GABRP: variants seen among roughly 807,000 people sequenced by gnomAD.
GABRP encodes the protein gamma-aminobutyric acid type A receptor subunit pi.
GABRP carries 52 observed loss-of-function variants against 47.8 expected under a neutral mutation model. The observed-to-expected ratio is 1.09, with a 90% CI of 0.87 to 1.37. The LOEUF (loss-of-function observed/expected upper bound fraction) is 1.37, where lower values mean the gene tolerates loss of function less well. Ranked by LOEUF, GABRP falls within the 40% of genes most tolerant of loss-of-function variation. GABRP has a pLI of 0.00. For synonymous variants in GABRP, 221 were observed against 205.8 expected (o/e 1.07, Z -0.63); for missense variants, 525 against 542.8 (o/e 0.97, Z 0.33).
chr5:170,785,123 G>A (rs11134652), intron 1 of GABRP, among the ~76,000 whole-genome samples: 17,203 of 152,212 alleles, frequency 0.11, 1,242 homozygotes, highest in South Asian at 0.19. Flanking sequence ...CGATTGGCTC[G>A]TCTACCACAG....
At chr5:170,803,184 G>A (rs1765640338) in intron 6 of GABRP, among the ~76,000 whole-genome samples, 1 of 152,120 alleles carries the variant, frequency 6.6e-6, no homozygotes, top group African/African-American at 2.4e-5. Flanking sequence ...TCCCCTAAGA[G>A]TTCATGGCTA....
chr5:170,794,415 C>G (rs997914027), intron 4 of GABRP, 117 bp downstream of exon 4: 1 of 543,060 alleles, frequency 1.8e-6, no homozygotes, highest in Non-Finnish European at 3.1e-6. Flanking sequence ...CATGGCCCTC[C>G]TCCATTTGGA....
intron 7 of GABRP, among the ~76,000 whole-genome samples, chr5:170,807,334 A>T (rs1765761018): frequency 6.6e-6 from 1 of 152,196 alleles, no homozygotes; most frequent in East Asian, 1.9e-4. Flanking sequence ...AACTTTGTAA[A>T]TTAGGGCTAT....
intron 6 of GABRP, among the ~76,000 whole-genome samples, chr5:170,801,523 C>T (rs1765589886): frequency 6.6e-6 from 1 of 152,190 alleles, no homozygotes; most frequent in Admixed American, 6.5e-5. Context: ...AGTTCCCTTG[C>T]ATTACCTAGG....
chr5:170,782,948 GGGGATGA>G (rs1561803838), upstream of GABRP: 1 of 152,384 alleles, frequency 6.6e-6, no homozygotes, highest in Non-Finnish European at 1.5e-5. Flanking sequence ...GCTATGATGA[GGGGATGA>G]CCCAGAGCTC....
At chr5:170,805,132 C>T (rs1433647208) in intron 6 of GABRP, among the ~76,000 whole-genome samples, 1 of 151,078 alleles carries the variant, frequency 6.6e-6, no homozygotes, top group East Asian at 1.9e-4. Context: ...GGCTACCTTG[C>T]AAGTTTACAA....
In GABRP at chr5:170,795,261, G is replaced by A; in HGVS notation, c.294G>A (p.Val98=). The change falls in exon 5 of 10, where the codon GTG becomes GTA. Residue 98 remains valine (V), a synonymous_variant. Transcript: ENST00000265294. ...LRQRWMDQRL[V]FEGNKSFTLD... ...AGCGCTGGATGGACCAGCGGCTGGTGTTTGAAGGCAACAAGAGCTTCACTC... is the reference window on the plus strand; with the variant it reads ...AGCGCTGGATGGACCAGCGGCTGGTATTTGAAGGCAACAAGAGCTTCACTC... 2 of 1,613,744 alleles carry A rather than the reference G, an allele frequency of 1.2e-6. No homozygotes were observed. The highest frequency in any genetic ancestry group is 1.7e-6 in the Non-Finnish European group (2 of 1,179,942).
chr5:170,798,912 C>T (rs1207484218), intron 6 of GABRP, among the ~76,000 whole-genome samples: 2 of 151,978 alleles, frequency 1.3e-5, no homozygotes, highest in Non-Finnish European at 2.9e-5. Context: ...TCGTCATTTA[C>T]ATTAGGTATA....
chr5:170,808,523 T>C, intron 7 of GABRP, 77 bp from the exon 8 acceptor site: 1 of 1,229,944 alleles, frequency 8.1e-7, no homozygotes, highest in East Asian at 2.3e-5. Context: ...TTAATGTACA[T>C]ATAGTTAAGC....
At chr5:170,805,945 C>T in intron 7 of GABRP, 92 bp downstream of exon 7, 3 of 1,410,512 alleles carry the variant, frequency 2.1e-6, no homozygotes, top group Non-Finnish European at 2.9e-6. Flanking sequence ...TCTCACTTTA[C>T]CTCCTTGGGA....
intron 1 of GABRP, among the ~76,000 whole-genome samples, chr5:170,786,497 C>G (rs957487547): frequency 5.3e-5 from 8 of 152,154 alleles, no homozygotes; most frequent in African/African-American, 1.9e-4. Context: ...CATGAGACAC[C>G]TTGCAGCCAT....
At chr5:170,786,824 G>A (rs146121609) in intron 1 of GABRP, among the ~76,000 whole-genome samples, 6 of 152,160 alleles carry the variant, frequency 3.9e-5, no homozygotes, top group South Asian at 2.1e-4. Flanking sequence ...AAAGTAAGCC[G>A]CAAAAAGCAT....
At chr5:170,788,707 T>C (rs1765187549) in intron 2 of GABRP, 39 bp downstream of exon 2, 1 of 1,600,348 alleles carries the variant, frequency 6.2e-7, no homozygotes, top group East Asian at 2.2e-5. Flanking sequence ...CCATCTGCGT[T>C]GCTTTGCATT....
At position 170,812,540 on chromosome 5, in the gene GABRP, G is replaced by A. The variant is rs1201793905; in HGVS notation, c.*282G>A. 5 of 330,722 alleles carry A rather than the reference G, an allele frequency of 1.5e-5. No homozygotes were observed. In the East Asian group the frequency reaches 2.2e-4, roughly 14 times the overall value. 20.5% of individuals were successfully genotyped at this position (330,722 alleles called of 1,614,324 possible). ...CAAGATTACAAATGTACTCAGGGCT[G>A]TTTATTCGGTGGCTCCCTGGTTTGC... is the stretch of plus-strand genomic sequence containing the variant. On this transcript the variant is annotated 3_prime_UTR_variant, in exon 10 of 10. Coordinates refer to ENST00000265294, the MANE Select transcript of GABRP (RefSeq NM_014211.3).
intron 4 of GABRP, among the ~76,000 whole-genome samples, chr5:170,794,925 T>C (rs1468298071): frequency 6.6e-6 from 1 of 151,188 alleles, no homozygotes; most frequent in Non-Finnish European, 1.5e-5. Flanking sequence ...CGTTCCCTTT[T>C]GGCAATAGGA....
intron 6 of GABRP, among the ~76,000 whole-genome samples, chr5:170,797,912 G>A (rs4868030): frequency 0.15 from 22,390 of 152,222 alleles, 1,743 homozygotes; most frequent in South Asian, 0.22. Flanking sequence ...ACACACAGTC[G>A]TGCCCATGTA....
rs775676389 is a variant in GABRP, at chr5:170,795,297, C to T, written c.330C>T (p.Arg110=). 6.2e-7 allele frequency: 1 copy of T among 1,613,896 alleles called. No homozygotes were observed. Among genetic ancestry groups the T allele is most frequent in the Non-Finnish European group, 8.5e-7 (1 of 1,179,978 alleles). ...EGNKSFTLDA[R]LVEFLWVPDT... is the part of the protein sequence containing the mutation. ...ACAAGAGCTTCACTCTGGATGCCCG[C>T]CTCGTGGAGTTCCTCTGGGTGCCAG... The change falls in exon 5 of 10, where the codon CGC becomes CGT. Residue 110 remains arginine (R), a synonymous_variant. Coordinates refer to ENST00000265294, the MANE Select transcript of GABRP (RefSeq NM_014211.3).
Position 170,813,438 on chromosome 5 carries a change from T to C in GABRP, c.*1180T>C, listed in dbSNP as rs1008402595. ...TCTGCTATGAGTGGCTTATCCCGCA[T>C]GAGCAGGAGCGTGCTGGCCCTGAGT... On this transcript the variant is annotated 3_prime_UTR_variant, in exon 10 of 10. Transcript: ENST00000265294. 6 of 152,288 alleles carry C rather than the reference T, an allele frequency of 3.9e-5. No individual in the cohort carries two copies. The highest frequency in any genetic ancestry group is 1.3e-4 in the Admixed American group (2 of 15,282). 9.4% of individuals were successfully genotyped at this position (152,288 alleles called of 1,614,324 possible).
At chr5:170,793,703 T>C (rs1209687298) in intron 3 of GABRP, among the ~76,000 whole-genome samples, 2 of 152,204 alleles carry the variant, frequency 1.3e-5, no homozygotes, top group Admixed American at 1.3e-4. Context: ...AAACCCTCCA[T>C]GTAAGAAGTG....
Sources: allele counts gnomAD v4.1 joint callset (sites outside exome capture counted in the v4.1 genomes callset), GRCh38; gene constraint gnomAD v4.1.1; transcripts MANE v1.5; gene names NCBI Gene and HGNC (gene_info 2026-07-23, HGNC 2026-07-21).